Variants in ELF1 observed in about 807,000 individuals in gnomAD.
ELF1 encodes ETS-related transcription factor Elf-1.
Under a neutral mutation model 59.9 loss-of-function variants are expected in ELF1, and 24 were observed. That is an observed-to-expected ratio of 0.40 (90% CI 0.29 to 0.56). ELF1 has a LOEUF of 0.56. Ranked by LOEUF, ELF1 falls within the 20% of genes least tolerant of loss-of-function variation. ELF1 has a pLI of 0.44. For synonymous variants in ELF1, 248 were observed against 266.2 expected, an observed-to-expected ratio of 0.93 and a Z score of 0.67; for missense variants, 627 against 742.2, an observed-to-expected ratio of 0.84 and a Z score of 1.80.
chr13:41,008,917 G>T (rs1446091627), intron 1 of ELF1, among the ~76,000 whole-genome samples: 1 of 151,662 alleles, frequency 6.6e-6, no homozygotes, highest in African/African-American at 2.4e-5. Flanking sequence ...ACTCTTCTCA[G>T]TACAGCTTTT....
chr13:40,972,546 T>C (rs190069531), intron 2 of ELF1, among the ~76,000 whole-genome samples: 33 of 152,316 alleles, frequency 2.2e-4, no homozygotes, highest in South Asian at 1.0e-3. Context: ...AGTTGGATAA[T>C]AGAGATTATC....
chr13:41,055,759 A>C (rs1877265480), intron 1 of ELF1, among the ~76,000 whole-genome samples: 1 of 151,678 alleles, frequency 6.6e-6, no homozygotes, highest in Non-Finnish European at 1.5e-5. Context: ...ATCATAGCTC[A>C]CTGCAGCCTC....
chr13:41,024,638 A>G (rs1458594561), intron 1 of ELF1, among the ~76,000 whole-genome samples: 2 of 152,102 alleles, frequency 1.3e-5, no homozygotes, highest in Admixed American at 6.6e-5. Context: ...CGGCCTCCCA[A>G]TGTGCTTGGA....
At chr13:40,982,996 C>T (rs1309834681) in intron 1 of ELF1, 1 of 345,128 alleles carries the variant, frequency 2.9e-6, no homozygotes, top group Non-Finnish European at 4.1e-6. Flanking sequence ...AAGAACTGCA[C>T]TTTACAATAG....
At chr13:40,951,502 C>T in intron 3 of ELF1, 66 bp from the exon 4 acceptor site, 10 of 1,229,394 alleles carry the variant, frequency 8.1e-6, no homozygotes, top group Non-Finnish European at 1.2e-5. Flanking sequence ...AAGTCATACA[C>T]CGCTTATCTC....
At chr13:40,987,959 A>C (rs1381031139) in intron 1 of ELF1, among the ~76,000 whole-genome samples, 1 of 152,254 alleles carries the variant, frequency 6.6e-6, no homozygotes, top group Non-Finnish European at 1.5e-5. Context: ...AAATGAAAGA[A>C]AACAGAGTAA....
chr13:40,990,646 G>C (rs1873791637), intron 1 of ELF1, among the ~76,000 whole-genome samples: 1 of 151,996 alleles, frequency 6.6e-6, no homozygotes, highest in African/African-American at 2.4e-5. Flanking sequence ...CCTGAGCTCA[G>C]GAGTTCAAGA....
chr13:41,010,075 T>C (rs1322090477), intron 1 of ELF1, among the ~76,000 whole-genome samples: 1 of 146,646 alleles, frequency 6.8e-6, no homozygotes, highest in Admixed American at 6.8e-5. Context: ...CTCCCTGGGA[T>C]TTTTTTTTTC....
intron 1 of ELF1, among the ~76,000 whole-genome samples, chr13:40,986,974 C>T (rs1355703168): frequency 7.7e-6 from 1 of 129,894 alleles, no homozygotes; most frequent in East Asian, 2.4e-4. Context: ...GTCTCACTGT[C>T]GCCCAGGCTG....
intron 2 of ELF1, among the ~76,000 whole-genome samples, chr13:40,965,551 G>A (rs1872122235): frequency 6.6e-6 from 1 of 152,000 alleles, no homozygotes; most frequent in Admixed American, 6.6e-5. Context: ...AATCTGGTAG[G>A]CAGAGGCTGC....
upstream of ELF1, among the ~76,000 whole-genome samples, chr13:41,020,724 A>G (rs565957684): frequency 1.3e-5 from 2 of 152,346 alleles, no homozygotes; most frequent in African/African-American, 4.8e-5. Flanking sequence ...CAAAATGACT[A>G]TTCAGAGCCC....
chr13:40,950,569 T>C (rs1870790222), intron 4 of ELF1, among the ~76,000 whole-genome samples: 1 of 152,186 alleles, frequency 6.6e-6, no homozygotes, highest in Non-Finnish European at 1.5e-5. Flanking sequence ...ATGTCTCTTC[T>C]ACCTATTAAA....
intron 1 of ELF1, among the ~76,000 whole-genome samples, chr13:41,060,477 G>T (rs1262345513): frequency 6.6e-6 from 1 of 152,052 alleles, no homozygotes; most frequent in Non-Finnish European, 1.5e-5. Flanking sequence ...AGGGGAAAGT[G>T]AAACTCCCTC....
intron 1 of ELF1, among the ~76,000 whole-genome samples, chr13:40,997,502 C>T (rs1874190075): frequency 6.6e-6 from 1 of 152,124 alleles, no homozygotes; most frequent in East Asian, 1.9e-4. Flanking sequence ...GTGATCCACC[C>T]ACCTTGGCCT....
chr13:40,990,371 C>T (rs1207037438), intron 1 of ELF1, among the ~76,000 whole-genome samples: 1 of 152,062 alleles, frequency 6.6e-6, no homozygotes, highest in Non-Finnish European at 1.5e-5. Flanking sequence ...AATTCACTTT[C>T]GCCTCTATTA....
At chr13:41,012,312 CAAAAAAAAAAAAAAA>C (rs56791748) in intron 1 of ELF1, among the ~76,000 whole-genome samples, 1 of 65,044 alleles carries the variant, frequency 1.5e-5, no homozygotes, top group Admixed American at 2.2e-4. Context: ...GACTCTGTCT[CAAAAAAAAAAAAAAA>C]AAAAAAAAAG....
intron 1 of ELF1, among the ~76,000 whole-genome samples, chr13:41,042,852 T>A (rs1291343694): frequency 6.6e-6 from 1 of 152,224 alleles, no homozygotes; most frequent in East Asian, 1.9e-4. Context: ...TCAAATGGCA[T>A]TTCTAGTTCT....
intron 1 of ELF1, chr13:40,982,821 A>C: frequency 1.0e-6 from 1 of 975,410 alleles, no homozygotes; most frequent in East Asian, 1.1e-4. Context: ...CTGTTCTTTA[A>C]AAAGGCTTCT....
chr13:41,000,052 G>A (rs1874335865), intron 1 of ELF1, among the ~76,000 whole-genome samples: 1 of 152,046 alleles, frequency 6.6e-6, no homozygotes, highest in South Asian at 2.1e-4. Context: ...TTGAATAGAT[G>A]ATGCTGACTT....
Sources: gnomAD v4.1 joint callset for allele counts (sites outside exome capture counted in the v4.1 genomes callset) on GRCh38, gnomAD v4.1.1 for gene constraint, MANE v1.5 for transcripts, NCBI Gene and HGNC (gene_info 2026-07-23, HGNC 2026-07-21) for gene names.